TLL2: variants seen among roughly 807,000 people sequenced by gnomAD.
TLL2 encodes tolloid like 2.
In TLL2, 106 loss-of-function variants were observed where a neutral mutation model predicts 123.0. The ratio of observed to expected loss-of-function variants is 0.86; its 90% confidence interval spans 0.74 to 1.01. The LOEUF is 1.01. Ranked by LOEUF, TLL2 falls within the 50% of genes least tolerant of loss-of-function variation. TLL2 has a pLI of 0.00. For missense variants in TLL2, 1,332 were observed against 1,336.7 expected (o/e 1.00, Z 0.06); for synonymous variants, 494 against 516.8 (o/e 0.96, Z 0.60).
rs757920344 is a variant in TLL2 at position 96,397,268 on chromosome 10, G to A, written c.1302C>T (p.Leu434=). ...CCCAGAGCCGGCTGTCCGTGGAGAC[G>A]AGGGGCTCCGGGATCTTATCGCCAC... The part of the protein sequence containing the change: ...RFCGDKIPEP[L]VSTDSRLWVE... The change falls in exon 11 of 21, where the codon CTC becomes CTT. Residue 434 remains leucine, a synonymous_variant. Coordinates refer to ENST00000357947, the MANE Select transcript of TLL2 (RefSeq NM_012465.4). The A allele has an allele frequency of 2.5e-6, 4 of 1,613,852 alleles. No individual in the cohort carries two copies. The highest frequency in any genetic ancestry group is 2.2e-5 in the South Asian group (2 of 91,044).
At chr10:96,400,378 A>C (rs1049892091) in intron 10 of TLL2, among the ~76,000 whole-genome samples, 84 of 139,072 alleles carry the variant, frequency 6.0e-4, no homozygotes, top group African/African-American at 2.1e-3. Flanking sequence ...AAAAAAAAAA[A>C]AACAAAACCT....
chr10:96,386,833 C>A, intron 14 of TLL2, 120 bp downstream of exon 14: 1 of 1,445,458 alleles, frequency 6.9e-7, no homozygotes, highest in South Asian at 1.3e-5. Flanking sequence ...GGTCTTCCAC[C>A]ATGTCTGCCC....
chr10:96,430,674 G>C (rs543671262), intron 4 of TLL2, among the ~76,000 whole-genome samples: 1 of 152,346 alleles, frequency 6.6e-6, no homozygotes, highest in South Asian at 2.1e-4. Flanking sequence ...TCAGGAGTTT[G>C]AGACCAGCCT....
chr10:96,431,114 T>A (rs561248118), intron 4 of TLL2, among the ~76,000 whole-genome samples: 1 of 152,314 alleles, frequency 6.6e-6, no homozygotes, highest in Non-Finnish European at 1.5e-5. Flanking sequence ...AAATCTTTGG[T>A]CAGAAAAGCA....
chr10:96,422,411 G>T, intron 6 of TLL2, 138 bp downstream of exon 6: 1 of 1,058,152 alleles, frequency 9.5e-7, no homozygotes, highest in Non-Finnish European at 1.4e-6. Flanking sequence ...AGACGGGCCT[G>T]TACAACAGAG....
chr10:96,480,708 G>C (rs1216029622), intron 1 of TLL2, among the ~76,000 whole-genome samples: 1 of 152,174 alleles, frequency 6.6e-6, no homozygotes, highest in Non-Finnish European at 1.5e-5. Context: ...AAGGTATTTT[G>C]AAAGGTCACC....
intron 9 of TLL2, among the ~76,000 whole-genome samples, chr10:96,408,038 G>A (rs143445203): frequency 2.0e-5 from 3 of 152,188 alleles, no homozygotes; most frequent in Admixed American, 6.5e-5. Context: ...CCCTGGGAGT[G>A]GGGGGAGGGG....
chr10:96,509,796 A>C (rs1290024436), intron 1 of TLL2, among the ~76,000 whole-genome samples: 1 of 152,154 alleles, frequency 6.6e-6, no homozygotes, highest in Non-Finnish European at 1.5e-5. Flanking sequence ...AAATACAAAA[A>C]AATAGCTGGG....
At chr10:96,451,477 C>T (rs1422820495) in intron 2 of TLL2, among the ~76,000 whole-genome samples, 1 of 152,150 alleles carries the variant, frequency 6.6e-6, no homozygotes, top group Non-Finnish European at 1.5e-5. Flanking sequence ...TAATATTGCC[C>T]ATCTGAACAA....
In TLL2 at chr10:96,513,656, C is replaced by T; in HGVS notation, c.30G>A (p.Leu10=). Residue 10 remains leucine, a synonymous_variant, in exon 1 of 21, where the codon CTG becomes CTA. Coordinates refer to ENST00000357947, the MANE Select transcript of TLL2 (RefSeq NM_012465.4). ...GCGGCAGCAGCAGCAGCAGTGACAC[C>T]AGGGCCCCAAGTGCAGTCGCCCGGG... is the stretch of plus-strand genomic sequence containing the variant. MPRATALGA[L]VSLLLLLPLP... The T allele has an allele frequency of 1.3e-6, 2 of 1,581,084 alleles. No individual in the cohort carries two copies. The highest frequency in any genetic ancestry group is 8.5e-7 in the Non-Finnish European group (1 of 1,170,384).
intron 9 of TLL2, among the ~76,000 whole-genome samples, chr10:96,409,814 C>G (rs552139146): frequency 6.6e-6 from 1 of 152,222 alleles, no homozygotes; most frequent in Non-Finnish European, 1.5e-5. Context: ...CCAGGACATG[C>G]AAGGGCCTCT....
At chr10:96,396,509 T>A (rs1846342291) in intron 11 of TLL2, among the ~76,000 whole-genome samples, 1 of 152,134 alleles carries the variant, frequency 6.6e-6, no homozygotes, top group Admixed American at 6.5e-5. Flanking sequence ...ATTGTAATAA[T>A]TTAAGGCCGA....
chr10:96,512,550 A>G lies in TLL2; in HGVS notation c.175+961T>C, dbSNP rs372956502. Among the ~76,000 whole-genome samples the G allele has an allele frequency of 2.6e-3, 391 of 152,294 alleles. 6 individuals are homozygous for G. The highest frequency in any genetic ancestry group is 9.0e-3 in the African/African-American group (373 of 41,578). ...CCCCATTCTTCTCTGCCGACCGCCA[A>G]GTGAAACGGGGCCCCACAAAGCCGG... is the stretch of plus-strand genomic sequence containing the variant. On this transcript the variant is annotated intron_variant, in intron 1 of 20. Coordinates refer to ENST00000357947, the MANE Select transcript of TLL2 (RefSeq NM_012465.4).
Position 96,397,284 on chromosome 10 carries a change from T to C in TLL2, c.1286A>G (p.Lys429Arg), listed in dbSNP as rs1846351666. Residue 429 changes from lysine (K) to arginine (R), a missense_variant, in exon 11 of 21, where the codon AAG (lysine) becomes AGG (arginine). Physicochemically the swap from Lys to Arg is conservative, Grantham distance 26. Coordinates refer to ENST00000357947, the MANE Select transcript of TLL2 (RefSeq NM_012465.4). ...CGTGGAGACGAGGGGCTCCGGGATC[T>C]TATCGCCACAAAACCTGCCTGGAAA... The part of the protein sequence containing the change: ...APLLGRFCGD[K>R]IPEPLVSTDS... 1.2e-6 allele frequency: 2 copies of C among 1,613,056 alleles called. No individual in the cohort carries two copies. Among genetic ancestry groups the C allele is most frequent in the Non-Finnish European group, 1.7e-6 (2 of 1,179,434 alleles).
chr10:96,384,536 G>C, intron 16 of TLL2, 51 bp downstream of exon 16: 1 of 1,482,602 alleles, frequency 6.7e-7, no homozygotes, highest in Non-Finnish European at 9.0e-7. Context: ...CCTGGAGTCT[G>C]CAAAGCCGCC....
intron 1 of TLL2, among the ~76,000 whole-genome samples, chr10:96,510,689 T>C (rs769394810): frequency 2.0e-5 from 3 of 152,072 alleles, no homozygotes; most frequent in Non-Finnish European, 4.4e-5. Flanking sequence ...ATGGTAAAAA[T>C]GGTATTAAAA....
chr10:96,451,818 T>C (rs1846962389), intron 2 of TLL2, among the ~76,000 whole-genome samples: 1 of 152,216 alleles, frequency 6.6e-6, no homozygotes, highest in South Asian at 2.1e-4. Flanking sequence ...ATTCTCTCCA[T>C]ATCGGTCTGA....
intron 4 of TLL2, among the ~76,000 whole-genome samples, chr10:96,429,065 A>G (rs952460205): frequency 3.3e-5 from 5 of 152,104 alleles, no homozygotes; most frequent in Non-Finnish European, 7.4e-5. Flanking sequence ...AGCCTCCCAA[A>G]GTGCTGGGAT....
At chr10:96,413,117 G>A in intron 8 of TLL2, 75 bp downstream of exon 8, 1 of 1,580,282 alleles carries the variant, frequency 6.3e-7, no homozygotes, top group Admixed American at 1.7e-5. Flanking sequence ...GGTCCCCCAA[G>A]TTGTTTTCCC....
Sources: gnomAD v4.1 joint callset for allele counts (sites outside exome capture counted in the v4.1 genomes callset) on GRCh38, gnomAD v4.1.1 for gene constraint, MANE v1.5 for transcripts, NCBI Gene and HGNC (gene_info 2026-07-23, HGNC 2026-07-21) for gene names.